Variants in SIPA1L2 observed in about 807,000 individuals in gnomAD.
SIPA1L2 encodes the protein signal-induced proliferation-associated 1-like protein 2.
A neutral mutation model predicts 163.9 loss-of-function variants in SIPA1L2; 56 were observed. That is an observed-to-expected ratio of 0.34 (90% CI 0.28 to 0.43). SIPA1L2 has a LOEUF of 0.43. SIPA1L2 is among the 20% of genes least tolerant of loss of function. The pLI is 1.00. For synonymous variants in SIPA1L2, 877 were observed against 865.7 expected (o/e 1.01, Z -0.23); for missense variants, 1,974 against 2,193.5 (o/e 0.90, Z 2.00).
intron 15 of SIPA1L2, among the ~76,000 whole-genome samples, chr1:232,434,380 C>T (rs1662427157): frequency 6.6e-6 from 1 of 152,132 alleles, no homozygotes; most frequent in Admixed American, 6.5e-5. Flanking sequence ...AAACAAAGCG[C>T]CTCATCTACT....
At chr1:232,550,954 C>G (rs1467627433) in intron 2 of SIPA1L2, among the ~76,000 whole-genome samples, 3 of 152,110 alleles carry the variant, frequency 2.0e-5, no homozygotes, top group African/African-American at 7.2e-5. Flanking sequence ...GAAACAGAAA[C>G]AGTGGACTGG....
At chr1:232,510,443 C>T (rs1274845174) in intron 3 of SIPA1L2, among the ~76,000 whole-genome samples, 4 of 152,046 alleles carry the variant, frequency 2.6e-5, no homozygotes, top group Non-Finnish European at 5.9e-5. Context: ...CCAACAGCAC[C>T]AAAATGCCAA....
chr1:232,444,974 C>T (rs986272781), intron 11 of SIPA1L2, among the ~76,000 whole-genome samples: 1 of 152,206 alleles, frequency 6.6e-6, no homozygotes, highest in Admixed American at 6.5e-5. Flanking sequence ...GCAAATTAGG[C>T]ATCTGAAAAC....
intron 1 of SIPA1L2, among the ~76,000 whole-genome samples, chr1:232,619,653 A>T (rs1249691068): frequency 1.3e-5 from 2 of 152,184 alleles, no homozygotes; most frequent in Non-Finnish European, 2.9e-5. Flanking sequence ...GAAGGACAAG[A>T]TCCCTGTCCT....
chr1:232,559,392 A>T (rs942219117), intron 2 of SIPA1L2, among the ~76,000 whole-genome samples: 42 of 152,230 alleles, frequency 2.8e-4, no homozygotes, highest in African/African-American at 8.9e-4. Context: ...CTCTGCAGTC[A>T]CAAGCACTAA....
chr1:232,497,275 C>A (rs911959214), intron 3 of SIPA1L2, among the ~76,000 whole-genome samples: 29 of 152,296 alleles, frequency 1.9e-4, no homozygotes, highest in African/African-American at 7.0e-4. Flanking sequence ...TCAAAACTCT[C>A]AGAAGTGCAC....
intron 2 of SIPA1L2, among the ~76,000 whole-genome samples, chr1:232,568,784 T>G (rs763651240): frequency 1.3e-5 from 2 of 152,228 alleles, no homozygotes; most frequent in Non-Finnish European, 1.5e-5. Flanking sequence ...CATGTCTACA[T>G]GTGTTCACTT....
At chr1:232,509,386 C>G (rs937602828) in intron 3 of SIPA1L2, among the ~76,000 whole-genome samples, 5 of 152,032 alleles carry the variant, frequency 3.3e-5, no homozygotes, top group Admixed American at 3.3e-4. Context: ...TACACAGAAC[C>G]CTGAAGCACA....
At chr1:232,456,398 GAAT>G (rs946640740) in intron 10 of SIPA1L2, among the ~76,000 whole-genome samples, 1 of 152,030 alleles carries the variant, frequency 6.6e-6, no homozygotes, top group African/African-American at 2.4e-5. Context: ...AATGATGAGA[GAAT>G]AATAATTTAG....
At chr1:232,539,085 G>A (rs192651821) in intron 2 of SIPA1L2, among the ~76,000 whole-genome samples, 2 of 152,286 alleles carry the variant, frequency 1.3e-5, no homozygotes, top group East Asian at 1.9e-4. Flanking sequence ...GAGTCTCCTC[G>A]TCAAGCAAAC....
chr1:232,561,772 A>T (rs1238190498), intron 2 of SIPA1L2, among the ~76,000 whole-genome samples: 1 of 152,208 alleles, frequency 6.6e-6, no homozygotes, highest in East Asian at 1.9e-4. Context: ...GATGAAAGAA[A>T]ATTCCGCTTT....
At chr1:232,479,493 G>A in intron 7 of SIPA1L2, 134 bp downstream of exon 7, 1 of 705,346 alleles carries the variant, frequency 1.4e-6, no homozygotes, top group Non-Finnish European at 2.5e-6. Context: ...TGATCAAAGA[G>A]TCAAAGATGA....
chr1:232,404,118 C>G lies in SIPA1L2; in HGVS notation c.4816+7G>C. The G allele has an allele frequency of 6.2e-7, 1 of 1,614,024 alleles. No individual in the cohort carries two copies. Among genetic ancestry groups the G allele is most frequent in the South Asian group, 1.1e-5 (1 of 91,082 alleles). On this transcript the variant is annotated splice_region_variant and intron_variant, in intron 20 of 22. Coordinates refer to ENST00000674635, the MANE Select transcript of SIPA1L2 (RefSeq NM_020808.5). ...TCAGGAGCCAACGAGCAGCCCCAGA[C>G]AATCACCTAGATAGGACGTGTGGTG...
At chr1:232,604,312 T>C (rs1349273250) in intron 1 of SIPA1L2, among the ~76,000 whole-genome samples, 1 of 152,232 alleles carries the variant, frequency 6.6e-6, no homozygotes. Context: ...TCCACTTTTA[T>C]AGTCTGTTGT....
At chr1:232,429,869 C>A (rs1049637663) in intron 16 of SIPA1L2, among the ~76,000 whole-genome samples, 3 of 152,086 alleles carry the variant, frequency 2.0e-5, no homozygotes, top group East Asian at 1.9e-4. Flanking sequence ...GGGAAAGATG[C>A]GGGGAAAAAT....
At chr1:232,602,375 A>C (rs1661648350) in intron 1 of SIPA1L2, among the ~76,000 whole-genome samples, 1 of 152,144 alleles carries the variant, frequency 6.6e-6, no homozygotes, top group Non-Finnish European at 1.5e-5. Context: ...TCTGTTGCCC[A>C]AGCTGGAGTG....
chr1:232,578,663 T>C (rs549311603), intron 1 of SIPA1L2, among the ~76,000 whole-genome samples: 1 of 152,316 alleles, frequency 6.6e-6, no homozygotes, highest in East Asian at 1.9e-4. Flanking sequence ...GTCTCTTCTC[T>C]AGGAGAGACA....
chr1:232,490,008 T>C (rs1433925748), intron 5 of SIPA1L2, among the ~76,000 whole-genome samples: 2 of 152,176 alleles, frequency 1.3e-5, no homozygotes, highest in African/African-American at 2.4e-5. Context: ...CGGCGGCCTG[T>C]ACAATTCCCT....
At chr1:232,584,901 A>T (rs1289185501) in intron 1 of SIPA1L2, among the ~76,000 whole-genome samples, 1 of 152,250 alleles carries the variant, frequency 6.6e-6, no homozygotes, top group African/African-American at 2.4e-5. Flanking sequence ...CATCATTAGA[A>T]GGTTATATAA....
Sources: allele counts gnomAD v4.1 joint callset (sites outside exome capture counted in the v4.1 genomes callset), GRCh38; gene constraint gnomAD v4.1.1; transcripts MANE v1.5; gene names NCBI Gene and HGNC (gene_info 2026-07-23, HGNC 2026-07-21).